Variants in PRR5 observed in about 807,000 individuals in gnomAD.
PRR5 encodes proline rich 5.
PRR5 carries 25 observed loss-of-function variants against 30.6 expected under a neutral mutation model. That is an observed-to-expected ratio of 0.82 (90% CI 0.60 to 1.14). PRR5 has a LOEUF of 1.14. Ranked by LOEUF, PRR5 falls within the 50% of genes most tolerant of loss-of-function variation. PRR5 has a pLI of 0.00. For missense variants in PRR5, 600 were observed against 547.1 expected, an observed-to-expected ratio of 1.10 and a Z score of -0.96; for synonymous variants, 286 against 247.1, an observed-to-expected ratio of 1.16 and a Z score of -1.48.
intron 1 of PRR5, among the ~76,000 whole-genome samples, chr22:44,708,957 A>C (rs1337250026): frequency 8.4e-6 from 1 of 119,384 alleles, no homozygotes. Context: ...ACAGAGTGAG[A>C]CTCTGTCTCA....
At chr22:44,684,105 A>AG (rs1924533639) in intron 1 of PRR5, among the ~76,000 whole-genome samples, 1 of 152,152 alleles carries the variant, frequency 6.6e-6, no homozygotes, top group Non-Finnish European at 1.5e-5. Context: ...GGGTGGGCTG[A>AG]GGAGGGGCCT....
chr22:44,729,025 A>G (rs11912627), intron 4 of PRR5, among the ~76,000 whole-genome samples: 3,976 of 152,226 alleles, frequency 0.026, 163 homozygotes, highest in African/African-American at 0.088. Flanking sequence ...AGCTGCAGCC[A>G]AGCAACTCCT....
intron 1 of PRR5, among the ~76,000 whole-genome samples, chr22:44,705,732 C>A (rs922247190): frequency 1.3e-5 from 2 of 151,908 alleles, no homozygotes; most frequent in Non-Finnish European, 2.9e-5. Context: ...TCAAGTGATT[C>A]TCCTGTCGCA....
intron 1 of PRR5, among the ~76,000 whole-genome samples, chr22:44,683,454 C>T (rs1601953673): frequency 6.6e-6 from 1 of 151,972 alleles, no homozygotes; most frequent in South Asian, 2.1e-4. Context: ...AGACAGAGGG[C>T]CCAGACCTAG....
intron 7 of PRR5, among the ~76,000 whole-genome samples, chr22:44,735,706 G>A (rs1232691838): frequency 6.6e-6 from 1 of 152,180 alleles, no homozygotes; most frequent in East Asian, 1.9e-4. Context: ...CTCCCGCGGG[G>A]GAGGCCGACC....
At chr22:44,678,568 GC>G (rs904352774) in intron 1 of PRR5, among the ~76,000 whole-genome samples, 17 of 152,102 alleles carry the variant, frequency 1.1e-4, no homozygotes, top group African/African-American at 2.9e-4. Context: ...ACCCGCCTCT[GC>G]CCCCCAAAGT....
chr22:44,678,185 A>T (rs919255531), intron 1 of PRR5, among the ~76,000 whole-genome samples: 1 of 151,786 alleles, frequency 6.6e-6, no homozygotes, highest in Admixed American at 6.6e-5. Context: ...CCCTTGTTGC[A>T]CCCGCTCACC....
intron 1 of PRR5, among the ~76,000 whole-genome samples, chr22:44,709,764 A>C (rs766662304): frequency 3.3e-5 from 5 of 152,142 alleles, no homozygotes; most frequent in Admixed American, 6.5e-5. Flanking sequence ...AGGCAGGAGA[A>C]TCGCTTGAAC....
chr22:44,718,025 G>A (rs939625427), intron 2 of PRR5, among the ~76,000 whole-genome samples: 2 of 151,814 alleles, frequency 1.3e-5, no homozygotes, highest in African/African-American at 4.8e-5. Flanking sequence ...TGCCTGCTTC[G>A]CTTCTTTTCA....
upstream of PRR5, among the ~76,000 whole-genome samples, chr22:44,700,325 C>T (rs181445770): frequency 2.6e-4 from 39 of 152,204 alleles, no homozygotes; most frequent in East Asian, 6.0e-3. Context: ...ATCAGCCAGG[C>T]GTGGTGGTAG....
At chr22:44,726,893 C>T (rs1409531668) in intron 4 of PRR5, among the ~76,000 whole-genome samples, 1 of 152,204 alleles carries the variant, frequency 6.6e-6, no homozygotes. Context: ...CCTGCTTCCC[C>T]TCCCTGCCCA....
Position 44,695,821 on chromosome 22 carries a change from G to A in PRR5, c.-10-6671G>A, listed in dbSNP as rs563979137. On this transcript the variant is annotated intron_variant, in intron 1 of 8. Transcript: ENST00000006251. Reference sequence around the variant, plus strand: ...TCACCATGTTGACTAGGCTGGTCTCGAACCCCTGACCTCAAGTGATCCACC... The same window carrying A: ...TCACCATGTTGACTAGGCTGGTCTCAAACCCCTGACCTCAAGTGATCCACC... 3.2e-4 allele frequency among the ~76,000 whole-genome samples: 48 copies of A among 150,402 alleles called. No homozygotes were observed. The South Asian group carries it at 6.2e-3, about 19-fold the overall frequency.
chr22:44,676,410 A>G (rs1366001230), upstream of PRR5, among the ~76,000 whole-genome samples: 7 of 150,250 alleles, frequency 4.7e-5, no homozygotes, highest in South Asian at 1.3e-3. Flanking sequence ...AAAAAAAAAA[A>G]AAAAAGAAAG....
At chr22:44,706,385 A>C (rs1602005448) in intron 1 of PRR5, among the ~76,000 whole-genome samples, 1 of 152,184 alleles carries the variant, frequency 6.6e-6, no homozygotes, top group African/African-American at 2.4e-5. Context: ...AGGCATTGGT[A>C]AATAAACAAG....
chr22:44,712,844 G>A (rs1337451124), intron 1 of PRR5, among the ~76,000 whole-genome samples: 12 of 152,180 alleles, frequency 7.9e-5, no homozygotes, highest in Admixed American at 3.3e-4. Context: ...TGAGGACCTC[G>A]TGGCCAGCAG....
chr22:44,676,390 C>CAAAAA (rs59016907), upstream of PRR5, among the ~76,000 whole-genome samples: 63 of 36,898 alleles, frequency 1.7e-3, no homozygotes, highest in South Asian at 2.9e-3. Context: ...GACCCTGTCT[C>CAAAAA]AAAAAAAAAA....
intron 1 of PRR5, among the ~76,000 whole-genome samples, chr22:44,709,743 TCTGGAGG>T (rs1277657930): frequency 6.6e-6 from 1 of 152,074 alleles, no homozygotes; most frequent in East Asian, 1.9e-4. Context: ...TCCCAGCTCC[TCTGGAGG>T]CTGAGGCAGG....
At chr22:44,725,095 A>G in intron 2 of PRR5, 149 bp from the exon 3 acceptor site, 1 of 1,140,184 alleles carries the variant, frequency 8.8e-7, no homozygotes, top group Non-Finnish European at 1.2e-6. Context: ...GCAGGTCTGG[A>G]CAGGTGGGAC....
intron 4 of PRR5, chr22:44,731,110 G>A (rs1921879953): frequency 3.4e-6 from 1 of 295,490 alleles, no homozygotes; most frequent in African/African-American, 2.2e-5. Context: ...AGGAGGATCT[G>A]ATGAGACTAG....
Sources: gnomAD v4.1 joint callset for allele counts (sites outside exome capture counted in the v4.1 genomes callset) on GRCh38, gnomAD v4.1.1 for gene constraint, MANE v1.5 for transcripts, NCBI Gene and HGNC (gene_info 2026-07-23, HGNC 2026-07-21) for gene names.